KCNIP1: variants seen among roughly 807,000 people sequenced by gnomAD.
KCNIP1 encodes the protein A-type potassium channel modulatory protein KCNIP1.
A neutral mutation model predicts 33.0 loss-of-function variants in KCNIP1; 18 were observed. That is an observed-to-expected ratio of 0.55 (90% CI 0.38 to 0.81). The LOEUF (loss-of-function observed/expected upper bound fraction) is 0.81. Ranked by LOEUF, KCNIP1 falls within the 30% of genes least tolerant of loss-of-function variation. The pLI is 0.00. For missense variants in KCNIP1, 238 were observed against 271.6 expected (o/e 0.88, Z 0.87); for synonymous variants, 93 against 98.3 (o/e 0.95, Z 0.32).
intron 1 of KCNIP1, among the ~76,000 whole-genome samples, chr5:170,477,742 G>A (rs1263759831): frequency 2.0e-5 from 3 of 152,088 alleles, no homozygotes; most frequent in African/African-American, 4.8e-5. Flanking sequence ...GCACCTGGCC[G>A]GGTTGGCTCT....
intron 1 of KCNIP1, among the ~76,000 whole-genome samples, chr5:170,587,448 C>T (rs936337901): frequency 1.5e-4 from 19 of 125,204 alleles, no homozygotes; most frequent in African/African-American, 5.3e-4. Flanking sequence ...AAAAAAAAAG[C>T]TAATATAAAT....
intron 1 of KCNIP1, among the ~76,000 whole-genome samples, chr5:170,405,865 C>T (rs1487437114): frequency 6.6e-6 from 1 of 152,172 alleles, no homozygotes; most frequent in African/African-American, 2.4e-5. Context: ...AGCTGTGTTA[C>T]CAGCCCCTGC....
chr5:170,483,647 A>G (rs1266074343), intron 1 of KCNIP1, among the ~76,000 whole-genome samples: 2 of 152,172 alleles, frequency 1.3e-5, no homozygotes, highest in South Asian at 4.1e-4. Flanking sequence ...GTATCCTGCA[A>G]GTTAGTGGCT....
At chr5:170,668,689 TAGTG>T (rs1173598720) in intron 1 of KCNIP1, among the ~76,000 whole-genome samples, 2 of 152,216 alleles carry the variant, frequency 1.3e-5, no homozygotes, top group Non-Finnish European at 2.9e-5. Context: ...CACTCCTTAC[TAGTG>T]CCTAATCTCT....
intron 1 of KCNIP1, among the ~76,000 whole-genome samples, chr5:170,625,997 C>T (rs982646908): frequency 1.3e-5 from 2 of 152,088 alleles, no homozygotes; most frequent in Admixed American, 1.3e-4. Flanking sequence ...TAAAGAGGCC[C>T]AAAGTATACT....
intron 1 of KCNIP1, among the ~76,000 whole-genome samples, chr5:170,476,547 C>A (rs1308424015): frequency 6.6e-6 from 1 of 152,072 alleles, no homozygotes; most frequent in Non-Finnish European, 1.5e-5. Flanking sequence ...TTTTGTTTAG[C>A]CTTAAAAAAT....
intron 1 of KCNIP1, among the ~76,000 whole-genome samples, chr5:170,558,786 C>T (rs1756929241): frequency 6.6e-6 from 1 of 152,176 alleles, no homozygotes; most frequent in Non-Finnish European, 1.5e-5. Flanking sequence ...GAGCATCAGC[C>T]GTGACACAGA....
chr5:170,663,957 C>A (rs545461771), intron 1 of KCNIP1, among the ~76,000 whole-genome samples: 1 of 152,214 alleles, frequency 6.6e-6, no homozygotes, highest in South Asian at 2.1e-4. Context: ...TCAACCCTGT[C>A]TGTACTCTCC....
Position 170,390,717 on chromosome 5 carries a change from G to A in KCNIP1, c.88+36753G>A, listed in dbSNP as rs759159419. ...CCTAGGGGCCAGAACTAGATTCGAA[G>A]CTGGCCCTTCCAGATGGCACAGCTT... is the stretch of plus-strand genomic sequence containing the variant. On this transcript the variant is annotated intron_variant, in intron 1 of 7. Coordinates refer to the KCNIP1 transcript ENST00000377360. 7.7e-4 allele frequency among the ~76,000 whole-genome samples: 117 copies of A among 151,696 alleles called. 1 individual carries two copies. Among genetic ancestry groups the A allele is most frequent in the Non-Finnish European group, 1.4e-3 (96 of 67,962 alleles).
intron 7 of KCNIP1, among the ~76,000 whole-genome samples, chr5:170,734,580 G>GT (rs1764317728): frequency 6.6e-6 from 1 of 152,154 alleles, no homozygotes; most frequent in African/African-American, 2.4e-5. Context: ...CAGCCCCAGA[G>GT]TCCACCAGAG....
rs553218261 is a variant in KCNIP1 at position 170,436,521 on chromosome 5, C to T, written c.88+82557C>T. ...GCACTGGAATCCCCAGGAGGGAACACGGAAACCCCGAGAGCTGGCTCCGCC... is the reference window on the plus strand; with the variant it reads ...GCACTGGAATCCCCAGGAGGGAACATGGAAACCCCGAGAGCTGGCTCCGCC... On this transcript the variant is annotated intron_variant, in intron 1 of 7. Coordinates refer to the KCNIP1 transcript ENST00000377360. 1.5e-4 allele frequency among the ~76,000 whole-genome samples: 23 copies of T among 152,334 alleles called. No homozygotes were observed. In the East Asian group the frequency reaches 3.9e-3, roughly 26 times the overall value.
In KCNIP1 at chr5:170,722,727, T is replaced by C; in HGVS notation, c.342T>C (p.Ala114=). Residue 114 remains alanine (A), a synonymous_variant, in exon 5 of 8, where the codon GCT becomes GCC. Coordinates refer to ENST00000328939, the MANE Select transcript of KCNIP1 (RefSeq NM_014592.4). The stretch of plus-strand genomic sequence containing the variant: ...CCCCTTCTCAGGACTTTGTAACCGC[T>C]CTGTCGATTTTATTGAGAGGAACTG... ...GSVKFEDFVT[A]LSILLRGTVH... The C allele has an allele frequency of 1.9e-6, 3 of 1,613,142 alleles. No homozygotes were observed. Among genetic ancestry groups the C allele is most frequent in the Non-Finnish European group, 2.5e-6 (3 of 1,179,138 alleles).
intron 1 of KCNIP1, among the ~76,000 whole-genome samples, chr5:170,409,385 T>C (rs576984138): frequency 2.0e-4 from 31 of 152,262 alleles, no homozygotes; most frequent in South Asian, 6.2e-4. Context: ...TCACAATGTG[T>C]GCAATGTGGG....
At chr5:170,381,142 T>C (rs1764222887) in intron 1 of KCNIP1, among the ~76,000 whole-genome samples, 1 of 152,304 alleles carries the variant, frequency 6.6e-6, no homozygotes, top group Middle Eastern at 3.4e-3. Flanking sequence ...AGGGTTCCTC[T>C]GGATCTTTTA....
chr5:170,509,226 A>G (rs748532344), intron 1 of KCNIP1, among the ~76,000 whole-genome samples: 1 of 152,216 alleles, frequency 6.6e-6, no homozygotes, highest in Non-Finnish European at 1.5e-5. Context: ...TTAGCAGGAA[A>G]GTGCTGAGAA....
At chr5:170,599,515 G>A (rs1329928011) in intron 1 of KCNIP1, among the ~76,000 whole-genome samples, 1 of 152,172 alleles carries the variant, frequency 6.6e-6, no homozygotes, top group East Asian at 1.9e-4. Flanking sequence ...AGACAATCAA[G>A]TAGAGCCTTT....
At chr5:170,537,642 C>T (rs879334329) in intron 1 of KCNIP1, among the ~76,000 whole-genome samples, 2 of 152,218 alleles carry the variant, frequency 1.3e-5, no homozygotes, top group South Asian at 4.1e-4. Flanking sequence ...GCGGAGACTG[C>T]GGGCAGGAGG....
chr5:170,550,666 A>G (rs947636813), intron 1 of KCNIP1, among the ~76,000 whole-genome samples: 20 of 152,088 alleles, frequency 1.3e-4, no homozygotes, highest in Non-Finnish European at 2.1e-4. Context: ...GATGATGACA[A>G]TGACAATACT....
At position 170,378,797 on chromosome 5, in the gene KCNIP1, G is replaced by A. The variant is rs756905729; in HGVS notation, c.88+24833G>A. 3.1e-6 allele frequency: 5 copies of A among 1,614,104 alleles called. No individual in the cohort carries two copies. In the African/African-American group the frequency reaches 4.0e-5, roughly 13 times the overall value. On this transcript the variant is annotated intron_variant, in intron 1 of 7. Transcript: ENST00000377360. ...CGGTCAGCAGGAAGGTGGGCCAGAAGAGGGAGAAGAGGAGGGCCTGGGGCC... is the reference window on the plus strand; with the variant it reads ...CGGTCAGCAGGAAGGTGGGCCAGAAAAGGGAGAAGAGGAGGGCCTGGGGCC...
Sources: allele counts gnomAD v4.1 joint callset (sites outside exome capture counted in the v4.1 genomes callset), GRCh38; gene constraint gnomAD v4.1.1; transcripts MANE v1.5; gene names NCBI Gene and HGNC (gene_info 2026-07-23, HGNC 2026-07-21).